ZFPM2: variants seen among roughly 807,000 people sequenced by gnomAD.
ZFPM2 encodes the protein zinc finger protein, FOG family member 2, also known as zinc finger protein ZFPM2.
In ZFPM2, 20 loss-of-function variants were observed where a neutral mutation model predicts 98.6. That is an observed-to-expected ratio of 0.20 (90% CI 0.14 to 0.29). The LOEUF is 0.29. Among genes scored for constraint, ZFPM2 ranks in the 10% least tolerant of loss-of-function variants. The pLI, the probability that ZFPM2 is intolerant of heterozygous loss-of-function variation, is 1.00. For missense variants in ZFPM2, 1,310 were observed against 1,388.6 expected, an observed-to-expected ratio of 0.94 and a Z score of 0.90; for synonymous variants, 518 against 502.7, an observed-to-expected ratio of 1.03 and a Z score of -0.41.
At chr8:105,766,825 A>C (rs1480750547) in intron 5 of ZFPM2, among the ~76,000 whole-genome samples, 1 of 151,810 alleles carries the variant, frequency 6.6e-6, no homozygotes, top group Non-Finnish European at 1.5e-5. Context: ...TCTCAGACCA[A>C]ATTCCTGGCT....
intron 2 of ZFPM2, among the ~76,000 whole-genome samples, chr8:105,425,485 A>C (rs1386564318): frequency 6.6e-6 from 1 of 152,156 alleles, no homozygotes; most frequent in East Asian, 1.9e-4. Context: ...GTTCCCTTCC[A>C]TAATAGCAGA....
chr8:105,319,053 G>A, intron 1 of ZFPM2, 72 bp downstream of exon 1: 1 of 1,439,782 alleles, frequency 6.9e-7, no homozygotes, highest in Admixed American at 2.3e-5. Context: ...ACGGGAAAGC[G>A]GTGGGTGGGT....
In ZFPM2 at chr8:105,802,024, A is replaced by G. The variant is rs1814037729; in HGVS notation, c.1942A>G (p.Thr648Ala). The change falls in exon 8 of 8, where the codon ACT (threonine) becomes GCT (alanine). Residue 648 changes from threonine to alanine, a missense_variant. Physicochemically the swap from Thr to Ala is moderately conservative, Grantham distance 58. Coordinates refer to ENST00000407775, the MANE Select transcript of ZFPM2 (RefSeq NM_012082.4). ...NGKGHDKDFSTQTKKLSTSSN... is the reference protein window; with the variant it reads ...NGKGHDKDFSAQTKKLSTSSN... ...GAAGGGCCATGACAAGGACTTTTCC[A>G]CTCAAACTAAGAAGCTCTCCACCTC... 1.2e-6 allele frequency: 2 copies of G among 1,613,826 alleles called. No individual in the cohort carries two copies. The highest frequency in any genetic ancestry group is 4.5e-5 in the East Asian group (2 of 44,852).
At chr8:105,388,142 A>G (rs954195458) in intron 1 of ZFPM2, among the ~76,000 whole-genome samples, 9 of 152,236 alleles carry the variant, frequency 5.9e-5, no homozygotes, top group African/African-American at 1.9e-4. Context: ...AAAAGCTGGT[A>G]AAGACAGACA....
At chr8:105,618,429 G>A (rs1385122041) in intron 4 of ZFPM2, among the ~76,000 whole-genome samples, 1 of 151,894 alleles carries the variant, frequency 6.6e-6, no homozygotes, top group Non-Finnish European at 1.5e-5. Flanking sequence ...TGTAAAAATT[G>A]ATTAAAAAAA....
chr8:105,341,423 T>A (rs1812429539), intron 1 of ZFPM2, among the ~76,000 whole-genome samples: 2 of 151,796 alleles, frequency 1.3e-5, no homozygotes, highest in African/African-American at 4.8e-5. Context: ...ATATTAACAA[T>A]GTAATACTTT....
intron 5 of ZFPM2, among the ~76,000 whole-genome samples, chr8:105,755,919 T>G (rs1329245674): frequency 6.6e-6 from 1 of 152,190 alleles, no homozygotes; most frequent in East Asian, 1.9e-4. Flanking sequence ...GATATGGCTA[T>G]CTGTCTTAAA....
In ZFPM2 at chr8:105,494,992, A is replaced by G. The variant is rs189104615; in HGVS notation, c.301+50611A>G. Among the ~76,000 whole-genome samples the G allele has an allele frequency of 2.6e-5, 4 of 152,342 alleles. No homozygotes were observed. In the East Asian group the frequency reaches 5.8e-4, roughly 22 times the overall value. On this transcript the variant is annotated intron_variant, in intron 3 of 7. Coordinates refer to ENST00000407775, the MANE Select transcript of ZFPM2 (RefSeq NM_012082.4). ...TAATATTCACATATCATGAAATATT[A>G]ATCTTCTACTGTTTTAAAAACTATT...
At chr8:105,486,884 T>G (rs1366030673) in intron 3 of ZFPM2, among the ~76,000 whole-genome samples, 1 of 152,230 alleles carries the variant, frequency 6.6e-6, no homozygotes, top group African/African-American at 2.4e-5. Context: ...GTTGGATGCT[T>G]AGCAAGGTTG....
Position 105,804,424 on chromosome 8 carries a change from A to G in ZFPM2, c.*886A>G, listed in dbSNP as rs949400403. ...GATCTATTTAAATATAAGAGTAGCAATACTGCACCTGGTGATCACAAAGAT... is the reference window on the plus strand; with the variant it reads ...GATCTATTTAAATATAAGAGTAGCAGTACTGCACCTGGTGATCACAAAGAT... On this transcript the variant is annotated 3_prime_UTR_variant, in exon 8 of 8. Coordinates refer to ENST00000407775, the MANE Select transcript of ZFPM2 (RefSeq NM_012082.4). 3.9e-5 allele frequency: 6 copies of G among 152,612 alleles called. No individual in the cohort carries two copies. Among genetic ancestry groups the G allele is most frequent in the Admixed American group, 1.3e-4 (2 of 15,274 alleles). 9.5% of individuals were successfully genotyped at this position (152,612 alleles called of 1,614,324 possible).
At chr8:105,703,296 G>A (rs1448669230) in intron 5 of ZFPM2, among the ~76,000 whole-genome samples, 2 of 152,058 alleles carry the variant, frequency 1.3e-5, no homozygotes, top group Non-Finnish European at 2.9e-5. Flanking sequence ...AAAGATTTAA[G>A]CTTTAGGGCC....
chr8:105,687,608 A>G (rs1479814932), intron 5 of ZFPM2, among the ~76,000 whole-genome samples: 1 of 152,186 alleles, frequency 6.6e-6, no homozygotes, highest in African/African-American at 2.4e-5. Flanking sequence ...TGTGTAACTG[A>G]TAACAAAACC....
chr8:105,684,744 C>T lies in ZFPM2; in HGVS notation c.532+50387C>T, dbSNP rs867370037. 2.0e-5 allele frequency: 3 copies of T among 152,128 alleles called. No individual in the cohort carries two copies. The South Asian group carries it at 6.2e-4, about 32-fold the overall frequency. 9.4% of individuals were successfully genotyped at this position (152,128 alleles called of 1,614,324 possible). A position where few individuals can be genotyped will look rare whatever the true frequency, so the allele number is the denominator to read the frequency against. ...ACTAACTCTTCTCAACTAACAGTTTCCTCATCTGTATGTATGCATTTTTAT... is the reference window on the plus strand; with the variant it reads ...ACTAACTCTTCTCAACTAACAGTTTTCTCATCTGTATGTATGCATTTTTAT... On this transcript the variant is annotated intron_variant, in intron 5 of 7. Coordinates refer to ENST00000407775, the MANE Select transcript of ZFPM2 (RefSeq NM_012082.4).
intron 5 of ZFPM2, among the ~76,000 whole-genome samples, chr8:105,646,132 CA>C (rs35017141): frequency 1.2e-4 from 17 of 146,428 alleles, no homozygotes; most frequent in Admixed American, 2.7e-4. Context: ...GACACGTGTT[CA>C]AAAAAAAAAT....
At chr8:105,506,663 A>G (rs1008014186) in intron 3 of ZFPM2, among the ~76,000 whole-genome samples, 12 of 152,172 alleles carry the variant, frequency 7.9e-5, no homozygotes, top group Non-Finnish European at 1.3e-4. Flanking sequence ...CTTATTTTTC[A>G]GTAAGTATCG....
intron 5 of ZFPM2, among the ~76,000 whole-genome samples, chr8:105,758,523 G>T (rs1224889144): frequency 1.3e-5 from 2 of 152,058 alleles, no homozygotes; most frequent in Non-Finnish European, 2.9e-5. Context: ...ATAATTACTA[G>T]AAGTAATGTA....
chr8:105,677,363 A>G (rs747416995), intron 5 of ZFPM2, among the ~76,000 whole-genome samples: 12 of 152,128 alleles, frequency 7.9e-5, no homozygotes, highest in Non-Finnish European at 1.6e-4. Context: ...GAGGTTTAGT[A>G]AATTGCCCAA....
chr8:105,590,750 A>T (rs893336485), intron 4 of ZFPM2, among the ~76,000 whole-genome samples: 4 of 148,374 alleles, frequency 2.7e-5, no homozygotes, highest in African/African-American at 9.8e-5. Flanking sequence ...GTGCATGTGC[A>T]TACGTGCGCA....
chr8:105,803,403 T>A lies in ZFPM2; in HGVS notation c.3321T>A (p.Gly1107=). The part of the protein sequence containing the change: ...AEEQLSSIAK[G]VNGSSQAPTS... ...AACAGTTGTCTAGTATAGCAAAAGG[T>A]GTGAATGGTTCCAGCCAGGCTCCAA... Residue 1107 remains glycine, a synonymous_variant, in exon 8 of 8, where the codon GGT becomes GGA. Transcript: ENST00000407775. The A allele has an allele frequency of 6.2e-7, 1 of 1,613,776 alleles. No individual in the cohort carries two copies. The highest frequency in any genetic ancestry group is 8.5e-7 in the Non-Finnish European group (1 of 1,179,812).
Sources: allele counts gnomAD v4.1 joint callset (sites outside exome capture counted in the v4.1 genomes callset), GRCh38; gene constraint gnomAD v4.1.1; transcripts MANE v1.5; gene names NCBI Gene and HGNC (gene_info 2026-07-23, HGNC 2026-07-21).